KCNIP3: variants seen among roughly 807,000 people sequenced by gnomAD.
KCNIP3 encodes the protein calsenilin.
Under a neutral mutation model 35.0 loss-of-function variants are expected in KCNIP3, and 28 were observed. The ratio of observed to expected loss-of-function variants is 0.80; its 90% CI spans 0.59 to 1.10. The LOEUF is 1.10. Among genes scored for constraint, KCNIP3 ranks in the 50% least tolerant of loss-of-function variants. The pLI is 0.00. For missense variants in KCNIP3, 295 were observed against 338.4 expected, an observed-to-expected ratio of 0.87 and a Z score of 1.01; for synonymous variants, 134 against 133.8, an observed-to-expected ratio of 1.00 and a Z score of -0.01.
Position 95,377,558 on chromosome 2 carries a change from C to T in KCNIP3, c.447+2350C>T, listed in dbSNP as rs1177913204. 6.6e-5 allele frequency among the ~76,000 whole-genome samples: 10 copies of T among 152,328 alleles called. No homozygotes were observed. The highest frequency in any genetic ancestry group is 1.9e-4 in the East Asian group (1 of 5,190). On this transcript the variant is annotated intron_variant, in intron 5 of 8. Coordinates refer to ENST00000295225, the MANE Select transcript of KCNIP3 (RefSeq NM_013434.5). The surrounding 1 kb of genome is among the most constrained non-coding windows in gnomAD (Gnocchi z 4.7). ...GCCTAGCCCCTGCCATGGGGACAGC[C>T]GTAGAACAGAGGCTGTGGATGTGAC... is the stretch of plus-strand genomic sequence containing the variant.
chr2:95,339,460 T>G (rs1679139768), intron 2 of KCNIP3, among the ~76,000 whole-genome samples: 1 of 152,090 alleles, frequency 6.6e-6, no homozygotes. Flanking sequence ...GGTGCATGCC[T>G]GTAATCCCAG....
intron 2 of KCNIP3, among the ~76,000 whole-genome samples, chr2:95,314,457 G>C (rs547096566): frequency 2.6e-5 from 4 of 152,202 alleles, no homozygotes; most frequent in Non-Finnish European, 5.9e-5. Flanking sequence ...TTGGTGGAGT[G>C]ATCCAAACCC....
chr2:95,301,920 A>G (rs1678042195), intron 1 of KCNIP3, among the ~76,000 whole-genome samples: 2 of 151,654 alleles, frequency 1.3e-5, no homozygotes, highest in South Asian at 4.2e-4. Flanking sequence ...GTGTGTGTGT[A>G]TGTGCATATG....
chr2:95,342,801 G>GCT (rs1335904066), intron 2 of KCNIP3, among the ~76,000 whole-genome samples: 2 of 152,206 alleles, frequency 1.3e-5, no homozygotes, highest in Non-Finnish European at 2.9e-5. Context: ...AATCACTGTG[G>GCT]CAGCAGAGGG....
At chr2:95,347,078 C>T (rs758078533) in intron 2 of KCNIP3, 9 of 1,612,186 alleles carry the variant, frequency 5.6e-6, no homozygotes, top group Non-Finnish European at 7.6e-6. Flanking sequence ...CTGTTCATCG[C>T]CGTCCTCAAG....
intron 2 of KCNIP3, among the ~76,000 whole-genome samples, chr2:95,355,892 C>A (rs1043399982): frequency 6.6e-6 from 1 of 152,164 alleles, no homozygotes; most frequent in African/African-American, 2.4e-5. Flanking sequence ...AATGGTAATT[C>A]TAGTTCTAGA....
At chr2:95,303,643 C>T (rs1208421227) in intron 1 of KCNIP3, 2 of 152,408 alleles carry the variant, frequency 1.3e-5, no homozygotes, top group Admixed American at 1.3e-4. Context: ...GGCCGCCTGC[C>T]TCATCGAACC....
chr2:95,382,545 G>T lies in KCNIP3; in HGVS notation c.660+64G>T, dbSNP rs1369807829. On this transcript the variant is annotated intron_variant, in intron 7 of 8. Coordinates refer to ENST00000295225, the MANE Select transcript of KCNIP3 (RefSeq NM_013434.5). This position sits in a 1 kb window ranked among gnomAD's most constrained non-coding sequence, Gnocchi z 4.5. ...GCAGAGGAAGGGGCTCTCGCTTTTG[G>T]GGCCACCCCGGGCAAGTGGCTTGCC... The T allele has an allele frequency of 8.4e-7, 1 of 1,196,186 alleles. No homozygotes were observed. Among genetic ancestry groups the T allele is most frequent in the East Asian group, 2.4e-5 (1 of 41,108 alleles). The allele number at this position is 1,196,186 out of a possible 1,614,324, so 74.1% of individuals were successfully genotyped here.
At chr2:95,318,191 G>A (rs1397808996) in intron 2 of KCNIP3, among the ~76,000 whole-genome samples, 1 of 152,146 alleles carries the variant, frequency 6.6e-6, no homozygotes, top group Admixed American at 6.5e-5. Context: ...GGCCCAGGGA[G>A]GGAGAGCAGA....
intron 2 of KCNIP3, among the ~76,000 whole-genome samples, chr2:95,324,073 C>T (rs1009232426): frequency 1.3e-5 from 2 of 152,248 alleles, no homozygotes; most frequent in Non-Finnish European, 2.9e-5. Flanking sequence ...CGGGGCTCCC[C>T]ACCTCCCCTC....
intron 2 of KCNIP3, among the ~76,000 whole-genome samples, chr2:95,325,437 G>A (rs1678712278): frequency 6.6e-6 from 1 of 152,168 alleles, no homozygotes; most frequent in South Asian, 2.1e-4. Context: ...TTGGGGTCTG[G>A]CTGAAAGCTG....
chr2:95,305,204 C>G (rs3772042), intron 1 of KCNIP3, among the ~76,000 whole-genome samples: 1 of 152,090 alleles, frequency 6.6e-6, no homozygotes, highest in African/African-American at 2.4e-5. Flanking sequence ...GAGGAGAGAG[C>G]CCCAGGTGAA....
chr2:95,323,851 G>A (rs1488463685), intron 2 of KCNIP3, among the ~76,000 whole-genome samples: 2 of 152,180 alleles, frequency 1.3e-5, no homozygotes, highest in African/African-American at 4.8e-5. Flanking sequence ...CAGAGGCCTC[G>A]GGAGGCAGAT....
At chr2:95,346,553 G>A (rs1266253941) in intron 2 of KCNIP3, among the ~76,000 whole-genome samples, 2 of 146,630 alleles carry the variant, frequency 1.4e-5, no homozygotes, top group Admixed American at 6.8e-5. Flanking sequence ...CGCGGGGAGC[G>A]GCGATGGAGG....
intron 2 of KCNIP3, chr2:95,313,650 G>A (rs538593403): frequency 6.6e-6 from 1 of 152,286 alleles, no homozygotes; most frequent in South Asian, 2.1e-4. Context: ...TGCCCACAAG[G>A]GCTGTGGGAC....
rs1159756460 is a variant in KCNIP3 at position 95,382,400 on chromosome 2, C to T, written c.579C>T (p.Ser193=). Residue 193 remains serine, a synonymous_variant, in exon 7 of 9, where the codon TCC becomes TCT. Transcript: ENST00000295225. This position sits in a 1 kb window ranked among gnomAD's most constrained non-coding sequence, Gnocchi z 4.5. ...TKEEMLAIMK[S]IYDMMGRHTY... is the part of the protein sequence containing the mutation. ...AGGAGATGCTGGCCATCATGAAGTC[C>T]ATCTATGACATGATGGGCCGCCACA... 6.2e-7 allele frequency: 1 copy of T among 1,600,640 alleles called. No homozygotes were observed. Among genetic ancestry groups the T allele is most frequent in the East Asian group, 2.3e-5 (1 of 44,156 alleles).
Position 95,374,457 on chromosome 2 carries a change from G to A in KCNIP3, c.306+37G>A, listed in dbSNP as rs1680122031. ...CCATTCCCCCGGGAGAGGCCTTGGA[G>A]ACCCTGGCTCAGGGAGACCTGGAAA... On this transcript the variant is annotated intron_variant, in intron 3 of 8. Coordinates refer to ENST00000295225, the MANE Select transcript of KCNIP3 (RefSeq NM_013434.5). 1.9e-6 allele frequency: 3 copies of A among 1,608,158 alleles called. No homozygotes were observed. In the East Asian group the frequency reaches 6.7e-5, roughly 36 times the overall value.
intron 2 of KCNIP3, among the ~76,000 whole-genome samples, chr2:95,329,574 G>A (rs1040576374): frequency 4.6e-5 from 7 of 152,240 alleles, no homozygotes; most frequent in Non-Finnish European, 1.0e-4. Flanking sequence ...CCCGTGCCCT[G>A]AGGGCACCTG....
chr2:95,336,448 T>C (rs1432917454), intron 2 of KCNIP3, among the ~76,000 whole-genome samples: 1 of 152,242 alleles, frequency 6.6e-6, no homozygotes, highest in Non-Finnish European at 1.5e-5. Context: ...TGTCCATTTC[T>C]TTTTTCTATT....
Sources: gnomAD v4.1 joint callset for allele counts (sites outside exome capture counted in the v4.1 genomes callset) on GRCh38, gnomAD v4.1.1 for gene constraint, Gnocchi (gnomAD v3.1) non-coding constraint, MANE v1.5 for transcripts, NCBI Gene and HGNC (gene_info 2026-07-23, HGNC 2026-07-21) for gene names.